Variants in TULP2 observed in about 807,000 individuals in gnomAD.
The protein encoded by TULP2 is tubby-related protein 2.
Under a neutral mutation model 60.3 loss-of-function variants are expected in TULP2, and 64 were observed. The observed-to-expected ratio is 1.06, with a 90% CI of 0.87 to 1.31. TULP2 has a LOEUF of 1.31. TULP2 is among the 50% of genes most tolerant of loss of function. TULP2 has a pLI of 0.00. For synonymous variants in TULP2, 267 were observed against 265.4 expected (o/e 1.01, Z -0.06); for missense variants, 652 against 667.0 (o/e 0.98, Z 0.25).
intron 4 of TULP2, among the ~76,000 whole-genome samples, chr19:48,896,151 C>G (rs1458503209): frequency 1.3e-5 from 2 of 152,166 alleles, no homozygotes; most frequent in Non-Finnish European, 2.9e-5. Flanking sequence ...ATCACATTCT[C>G]TTGCCCCTTT....
Position 48,897,879 on chromosome 19 carries a change from C to T in TULP2, c.-1-10G>A, listed in dbSNP as rs769815664. 1 of 1,612,674 alleles carries T rather than the reference C, an allele frequency of 6.2e-7. No homozygotes were observed. Among genetic ancestry groups the T allele is most frequent in the Non-Finnish European group, 8.5e-7 (1 of 1,179,408 alleles). ...ATTATCCTGAGACATTCTGCAGAAG[C>T]AAGAATGAGGAGTCAGGATCAGAAC... On this transcript the variant is annotated splice_polypyrimidine_tract_variant and intron_variant, in intron 1 of 12. Coordinates refer to ENST00000221399, the MANE Select transcript of TULP2 (RefSeq NM_003323.3). This position sits in a 1 kb window ranked among gnomAD's most constrained non-coding sequence, Gnocchi z 4.0.
intron 6 of TULP2, 64 bp from the exon 7 acceptor site, chr19:48,889,695 T>C: frequency 7.0e-7 from 1 of 1,421,012 alleles, no homozygotes; most frequent in Non-Finnish European, 9.5e-7. Flanking sequence ...GAAGTAGACA[T>C]AGGAGACTCC....
At chr19:48,881,833 TAA>T (rs2037135602) in intron 12 of TULP2, among the ~76,000 whole-genome samples, 197 bp downstream of exon 12, 1 of 152,178 alleles carries the variant, frequency 6.6e-6, no homozygotes, top group Admixed American at 6.6e-5. Flanking sequence ...TGGAGACTTT[TAA>T]GAGGCTGAGC....
chr19:48,882,005 C>A, intron 12 of TULP2, 27 bp downstream of exon 12: 1 of 1,614,136 alleles, frequency 6.2e-7, no homozygotes, highest in East Asian at 2.2e-5. Context: ...CCACCTGGCC[C>A]GGCTAAACTG....
chr19:48,882,214 A>C lies in TULP2; in HGVS notation c.1276-11T>G, dbSNP rs773201295. The C allele has an allele frequency of 2.5e-6, 4 of 1,613,880 alleles. No homozygotes were observed. In the South Asian group the frequency reaches 4.4e-5, roughly 18 times the overall value. ...TAGCGACTCCTGTTCCTAGAAGGTA[A>C]AGAAGGGGCTGTGGTTTTCTCAGAG... On this transcript the variant is annotated splice_polypyrimidine_tract_variant and intron_variant, in intron 11 of 12. Transcript: ENST00000221399.
At chr19:48,884,102 AGTGT>A (rs1450160159) in intron 9 of TULP2, 56 bp from the exon 10 acceptor site, 82 of 1,420,226 alleles carry the variant, frequency 5.8e-5, no homozygotes, top group Non-Finnish European at 8.0e-5. Flanking sequence ...TCTTTGAGTA[AGTGT>A]CACTCATCGC....
At chr19:48,882,280 G>T in intron 11 of TULP2, 77 bp from the exon 12 acceptor site, 1 of 1,518,070 alleles carries the variant, frequency 6.6e-7, no homozygotes, top group Non-Finnish European at 9.0e-7. Context: ...ACTCCATCTT[G>T]AACAGGGGCG....
chr19:48,884,713 T>C (rs1001660906), intron 9 of TULP2, among the ~76,000 whole-genome samples: 23 of 151,524 alleles, frequency 1.5e-4, no homozygotes, highest in African/African-American at 5.6e-4. Flanking sequence ...GAGGTTGTAG[T>C]GAGCCGAGAT....
Position 48,889,631 on chromosome 19 carries a change from C to T in TULP2, c.515G>A (p.Gly172Glu). ...GTCACTCTCACCCTCTGCACGGGTC[C>T]CTAATGTGGGGAAAAGCAAGAGAGA... is the stretch of plus-strand genomic sequence containing the variant. ...RKGWQAHQRP[G>E]TRAEGESDSQ... Residue 172 changes from glycine (G) to glutamate (E), a missense_variant and splice_region_variant, in exon 7 of 13, where the codon GGG becomes GAG. Coordinates refer to ENST00000221399, the MANE Select transcript of TULP2 (RefSeq NM_003323.3). 3 of 1,574,034 alleles carry T rather than the reference C, an allele frequency of 1.9e-6. No individual in the cohort carries two copies. The highest frequency in any genetic ancestry group is 2.6e-6 in the Non-Finnish European group (3 of 1,150,724).
In TULP2 at chr19:48,885,538, T is replaced by C. The variant is rs760911202; in HGVS notation, c.971A>G (p.Lys324Arg). The change falls in exon 9 of 13, where the codon AAG becomes AGG. Residue 324 changes from lysine (K) to arginine (R), a missense_variant. Physicochemically the swap from Lys to Arg is conservative, Grantham distance 26. Coordinates refer to ENST00000221399, the MANE Select transcript of TULP2 (RefSeq NM_003323.3). ...SLQRFLLAGR[K>R]RRRSKTSNYL... ...ATTAGAAGTTTTGCTCCTTCTTCTC[T>C]TTCGCCCAGCCAGGAGGAAGCGCTA... 2 of 1,613,942 alleles carry C rather than the reference T, an allele frequency of 1.2e-6. No homozygotes were observed. The highest frequency in any genetic ancestry group is 1.7e-5 in the Admixed American group (1 of 59,994).
chr19:48,889,468 C>T, intron 7 of TULP2, 42 bp downstream of exon 7: 1 of 1,557,374 alleles, frequency 6.4e-7, no homozygotes. Context: ...CCGAGGCTAG[C>T]CCTCTTCTTC....
intron 7 of TULP2, 149 bp from the exon 8 acceptor site, chr19:48,888,410 A>T: frequency 1.3e-6 from 1 of 769,242 alleles, no homozygotes; most frequent in Non-Finnish European, 2.0e-6. Flanking sequence ...CCACCCAGTC[A>T]CGCCCTCCTC....
intron 9 of TULP2, among the ~76,000 whole-genome samples, chr19:48,884,581 A>G (rs932799416): frequency 6.6e-6 from 1 of 151,972 alleles, no homozygotes; most frequent in Admixed American, 6.6e-5. Context: ...GACCAGCCTG[A>G]CAGACATGGA....
chr19:48,892,972 G>A (rs2037247511), intron 6 of TULP2, among the ~76,000 whole-genome samples: 1 of 151,866 alleles, frequency 6.6e-6, no homozygotes. Flanking sequence ...AAGACACACG[G>A]TGGCTCACAC....
At position 48,883,747 on chromosome 19, in the gene TULP2, G is replaced by T; in HGVS notation, c.1275+7C>A. ...TGACCCAGAGATTCCTGATGTCAGGGACTCACATTTAGTGGCTGGACATTG... is the reference window on the plus strand; with the variant it reads ...TGACCCAGAGATTCCTGATGTCAGGTACTCACATTTAGTGGCTGGACATTG... On this transcript the variant is annotated splice_region_variant and intron_variant, in intron 11 of 12. Transcript: ENST00000221399. 1.2e-6 allele frequency: 2 copies of T among 1,613,874 alleles called. No homozygotes were observed. The highest frequency in any genetic ancestry group is 1.7e-6 in the Non-Finnish European group (2 of 1,179,956).
chr19:48,880,980 G>A lies in TULP2; in HGVS notation c.*31C>T, dbSNP rs1407009552. On this transcript the variant is annotated 3_prime_UTR_variant, in exon 13 of 13. Transcript: ENST00000221399. ...AGGCACAGAAGCTGGCAAGGGTATG[G>A]TATTTTATTGAGTTATTCAACAGCC... 2 of 1,567,824 alleles carry A rather than the reference G, an allele frequency of 1.3e-6. No homozygotes were observed. Among genetic ancestry groups the A allele is most frequent in the South Asian group, 2.2e-5 (2 of 90,118 alleles).
In TULP2 at chr19:48,888,068, A is replaced by C. The variant is rs368956137; in HGVS notation, c.830T>G (p.Leu277Arg). ...CATGGTGCCCGGGAGCGCTGGCCGC[A>C]GCACGTAGGCTTCCATGTCCTCCTC... is the stretch of plus-strand genomic sequence containing the variant. ...GLEEDMEAYV[L>R]RPALPGTMMQ... Residue 277 changes from leucine to arginine, a missense_variant, in exon 8 of 13, where the codon CTG becomes CGG. Physicochemically the swap from Leu to Arg is moderately radical, Grantham distance 102. Coordinates refer to ENST00000221399, the MANE Select transcript of TULP2 (RefSeq NM_003323.3). 4.3e-6 allele frequency: 7 copies of C among 1,614,120 alleles called. No homozygotes were observed. In the Admixed American group the frequency reaches 6.7e-5, roughly 15 times the overall value.
At chr19:48,893,375 A>G (rs982270383) in intron 6 of TULP2, among the ~76,000 whole-genome samples, 2 of 150,700 alleles carry the variant, frequency 1.3e-5, no homozygotes, top group Non-Finnish European at 3.0e-5. Context: ...GCCTCAAGAA[A>G]AAAAAAAAAA....
chr19:48,883,240 AAGAG>A (rs1320295344), intron 11 of TULP2, among the ~76,000 whole-genome samples: 1 of 151,580 alleles, frequency 6.6e-6, no homozygotes, highest in Non-Finnish European at 1.5e-5. Flanking sequence ...AAAAGAAAGA[AAGAG>A]AGAGTCTAAA....
Sources: allele counts gnomAD v4.1 joint callset (sites outside exome capture counted in the v4.1 genomes callset), GRCh38; gene constraint gnomAD v4.1.1; non-coding constraint Gnocchi (gnomAD v3.1); transcripts MANE v1.5; gene names NCBI Gene and HGNC (gene_info 2026-07-23, HGNC 2026-07-21).